The following EPB41L2 variants were observed in gnomAD, a reference collection of about 807,000 sequenced individuals.
EPB41L2 encodes erythrocyte membrane protein band 4.1 like 2, also known as band 4.1-like protein 2.
EPB41L2 carries 43 observed loss-of-function variants against 113.0 expected under a neutral mutation model. The observed-to-expected ratio is 0.38, with a 90% confidence interval of 0.30 to 0.49. The LOEUF (loss-of-function observed/expected upper bound fraction) is 0.49. Ranked by LOEUF, EPB41L2 falls within the 20% of genes least tolerant of loss-of-function variation. EPB41L2 has a pLI of 0.95. For missense variants in EPB41L2, 1,147 were observed against 1,223.4 expected, an observed-to-expected ratio of 0.94 and a Z score of 0.93; for synonymous variants, 442 against 436.7, an observed-to-expected ratio of 1.01 and a Z score of -0.15.
intron 4 of EPB41L2, among the ~76,000 whole-genome samples, chr6:130,919,568 C>T (rs543503056): frequency 1.3e-4 from 20 of 152,146 alleles, no homozygotes; most frequent in Admixed American, 1.1e-3. Flanking sequence ...GCCCCAGCCA[C>T]GTTCTCCCAA....
rs1015793083 is a variant in EPB41L2 at position 130,894,530 on chromosome 6, G to A, written c.1390-89C>T. On this transcript the variant is annotated intron_variant, in intron 9 of 19. Coordinates refer to ENST00000337057, the MANE Select transcript of EPB41L2 (RefSeq NM_001431.4). The stretch of plus-strand genomic sequence containing the variant: ...AGCATGCATTCAGATGTTTCTGTGA[G>A]AAGCAATTATTCTTCTCAAAAAAGG... The A allele has an allele frequency of 4.3e-6, 5 of 1,169,482 alleles. No homozygotes were observed. In the African/African-American group the frequency reaches 4.6e-5, roughly 11 times the overall value. 72.4% of individuals were successfully genotyped at this position (1,169,482 alleles called of 1,614,324 possible). A position where few individuals can be genotyped will look rare whatever the true frequency, so the allele number is the denominator to read the frequency against.
In EPB41L2 at chr6:131,034,265, G is replaced by C. The variant is rs9483205; in HGVS notation, c.-15+28890C>G. 3.4e-3 allele frequency among the ~76,000 whole-genome samples: 517 copies of C among 152,198 alleles called. 5 individuals carry two copies. The highest frequency in any genetic ancestry group is 0.012 in the African/African-American group (496 of 41,536). On this transcript the variant is annotated intron_variant, in intron 1 of 19. Transcript: ENST00000337057. ...GGTCTGAGACCAATAAACATATTGG[G>C]GGTTGGGGGGGACAGTATAATATAA...
intron 18 of EPB41L2, among the ~76,000 whole-genome samples, chr6:130,860,756 G>A (rs943364644): frequency 7.3e-5 from 11 of 151,248 alleles, no homozygotes; most frequent in African/African-American, 2.7e-4. Flanking sequence ...GGATGGTCTC[G>A]ATCTCCTGAC....
intron 11 of EPB41L2, among the ~76,000 whole-genome samples, chr6:130,888,357 G>A (rs528747893): frequency 6.6e-6 from 1 of 152,192 alleles, no homozygotes; most frequent in Admixed American, 6.5e-5. Context: ...AACACAAAGA[G>A]AAAAATAATG....
chr6:131,008,559 C>A (rs1337647017), intron 1 of EPB41L2, among the ~76,000 whole-genome samples: 2 of 152,212 alleles, frequency 1.3e-5, no homozygotes, highest in Non-Finnish European at 2.9e-5. Context: ...CCTCCAGACC[C>A]CAGAACGGTA....
At chr6:130,905,965 A>C (rs572019053) in intron 5 of EPB41L2, among the ~76,000 whole-genome samples, 2 of 152,304 alleles carry the variant, frequency 1.3e-5, no homozygotes, top group East Asian at 3.9e-4. Flanking sequence ...AATCCTGCTG[A>C]ACTTAAGAAG....
intron 3 of EPB41L2, among the ~76,000 whole-genome samples, chr6:130,929,857 TCA>T (rs140350248): frequency 0.19 from 23,645 of 123,158 alleles, 2,283 homozygotes; most frequent in African/African-American, 0.29. Flanking sequence ...AGACAGACAG[TCA>T]CACACACACA....
intron 1 of EPB41L2, among the ~76,000 whole-genome samples, chr6:131,050,264 G>A (rs1468575759): frequency 1.2e-4 from 18 of 152,070 alleles, no homozygotes; most frequent in African/African-American, 1.7e-4. Context: ...GCTTGAACCC[G>A]GGAGGCAGAG....
At chr6:131,009,485 C>T (rs1786404020) in intron 1 of EPB41L2, among the ~76,000 whole-genome samples, 1 of 152,048 alleles carries the variant, frequency 6.6e-6, no homozygotes, top group Non-Finnish European at 1.5e-5. Flanking sequence ...CACTCCCAGG[C>T]TCTTAGAAAC....
intron 15 of EPB41L2, chr6:130,867,970 A>T (rs76497616): frequency 0.011 from 1,132 of 102,490 alleles, 9 homozygotes; most frequent in African/African-American, 0.043. Flanking sequence ...ACACACACAC[A>T]CACTCTCTCT....
chr6:130,978,647 T>C (rs1223410955), intron 1 of EPB41L2: 2 of 152,228 alleles, frequency 1.3e-5, no homozygotes, highest in East Asian at 1.9e-4. Context: ...TACTGTACTT[T>C]TGGGTTTTGT....
intron 11 of EPB41L2, among the ~76,000 whole-genome samples, chr6:130,888,259 A>G (rs1791676817): frequency 6.6e-6 from 1 of 152,182 alleles, no homozygotes; most frequent in South Asian, 2.1e-4. Flanking sequence ...CTGTCTGGTC[A>G]TGTATTGGCG....
chr6:130,989,338 G>T (rs1781298195), intron 1 of EPB41L2, among the ~76,000 whole-genome samples: 1 of 152,132 alleles, frequency 6.6e-6, no homozygotes, highest in South Asian at 2.1e-4. Flanking sequence ...GCTGTATAAT[G>T]TTTAAAATAA....
chr6:130,951,499 G>C (rs1010046537), intron 3 of EPB41L2, among the ~76,000 whole-genome samples: 1 of 151,086 alleles, frequency 6.6e-6, no homozygotes, highest in African/African-American at 2.4e-5. Context: ...TAAAATTTTT[G>C]TATTTTTGGT....
intron 3 of EPB41L2, among the ~76,000 whole-genome samples, chr6:130,932,153 C>G (rs987351757): frequency 6.6e-6 from 1 of 151,920 alleles, no homozygotes; most frequent in African/African-American, 2.4e-5. Context: ...ATCAAACTTT[C>G]TTATTTCACA....
chr6:130,893,238 G>A (rs1241551689), intron 10 of EPB41L2, among the ~76,000 whole-genome samples: 2 of 152,010 alleles, frequency 1.3e-5, no homozygotes, highest in East Asian at 3.9e-4. Context: ...TACCCACTAG[G>A]GAACAAATAA....
At chr6:130,947,259 G>A (rs1000769899) in intron 3 of EPB41L2, among the ~76,000 whole-genome samples, 3 of 152,048 alleles carry the variant, frequency 2.0e-5, no homozygotes, top group Non-Finnish European at 4.4e-5. Flanking sequence ...ATCACCTCAT[G>A]ACTTCCTGCA....
chr6:130,886,567 C>A (rs1791042450), intron 11 of EPB41L2, among the ~76,000 whole-genome samples: 2 of 152,140 alleles, frequency 1.3e-5, no homozygotes, highest in Non-Finnish European at 2.9e-5. Context: ...AAATCATAGT[C>A]AACATTAGAA....
At chr6:130,951,572 C>T (rs1327933785) in intron 3 of EPB41L2, among the ~76,000 whole-genome samples, 1 of 151,798 alleles carries the variant, frequency 6.6e-6, no homozygotes, top group Non-Finnish European at 1.5e-5. Context: ...GGTCCGCCTG[C>T]CTCAGCCTCC....
Sources: allele counts gnomAD v4.1 joint callset (sites outside exome capture counted in the v4.1 genomes callset), GRCh38; gene constraint gnomAD v4.1.1; transcripts MANE v1.5; gene names NCBI Gene and HGNC (gene_info 2026-07-23, HGNC 2026-07-21).